C11orf65: variants seen among roughly 807,000 people sequenced by gnomAD.
C11orf65 encodes the protein protein MFI.
In C11orf65, 38 loss-of-function variants were observed where a neutral mutation model predicts 35.3. The ratio of observed to expected loss-of-function variants is 1.08; its 90% CI spans 0.83 to 1.41. C11orf65 has a LOEUF of 1.41. Among genes scored for constraint, C11orf65 ranks in the 40% most tolerant of loss-of-function variants. The pLI, the probability that C11orf65 is intolerant of heterozygous loss-of-function variation, is 0.00. For missense variants in C11orf65, 370 were observed against 367.1 expected, an observed-to-expected ratio of 1.01 and a Z score of -0.06; for synonymous variants, 105 against 114.4, an observed-to-expected ratio of 0.92 and a Z score of 0.53.
intron 7 of C11orf65, 40 bp from the exon 8 acceptor site, chr11:108,386,015 T>A (rs1442275674): frequency 6.6e-7 from 1 of 1,516,594 alleles, no homozygotes; most frequent in Non-Finnish European, 9.1e-7. Flanking sequence ...TTTAATCGAT[T>A]CATTAGTACA....
intron 2 of C11orf65, chr11:108,354,788 AT>A: frequency 6.2e-7 from 1 of 1,604,638 alleles, no homozygotes; most frequent in Non-Finnish European, 8.5e-7. Context: ...CAAAATCCGT[AT>A]TTATAATGTG....
intron 2 of C11orf65, among the ~76,000 whole-genome samples, chr11:108,359,414 A>C (rs2090435534): frequency 6.6e-6 from 1 of 152,174 alleles, no homozygotes; most frequent in Admixed American, 6.5e-5. Context: ...AAGGATACCC[A>C]GGAATTGAAC....
At chr11:108,331,349 T>C, downstream of C11orf65, 4 of 1,507,534 alleles carry the variant, frequency 2.7e-6, no homozygotes, top group East Asian at 5.1e-5. Flanking sequence ...CTTGTGCTAA[T>C]AGAGGAGCAC....
At chr11:108,444,411 C>T (rs1295551313) in intron 2 of C11orf65, among the ~76,000 whole-genome samples, 1 of 152,136 alleles carries the variant, frequency 6.6e-6, no homozygotes, top group Non-Finnish European at 1.5e-5. Context: ...TGCTACCATT[C>T]CTTCTGAAAC....
downstream of C11orf65, among the ~76,000 whole-genome samples, chr11:108,330,853 A>G (rs1641705380): frequency 6.6e-6 from 1 of 152,196 alleles, no homozygotes; most frequent in Admixed American, 6.5e-5. Flanking sequence ...AGTAGAGAAA[A>G]TATATTTTTC....
chr11:108,343,682 T>C, intron 2 of C11orf65, among the ~76,000 whole-genome samples: 1 of 152,134 alleles, frequency 6.6e-6, no homozygotes. Context: ...CACGATGGCA[T>C]GCACCTGTAA....
At chr11:108,404,126 T>C (rs1454715237) in intron 6 of C11orf65, among the ~76,000 whole-genome samples, 2 of 152,112 alleles carry the variant, frequency 1.3e-5, no homozygotes, top group Non-Finnish European at 2.9e-5. Context: ...TCAATCACCA[T>C]CCATCTATAG....
intron 2 of C11orf65, among the ~76,000 whole-genome samples, chr11:108,452,791 A>T (rs2135672125): frequency 6.6e-6 from 1 of 152,284 alleles, no homozygotes. Flanking sequence ...AAAATGTGGC[A>T]CATACACACC....
chr11:108,469,604 A>C (rs1435937977), upstream of C11orf65, among the ~76,000 whole-genome samples: 3 of 152,078 alleles, frequency 2.0e-5, no homozygotes, highest in African/African-American at 7.2e-5. Context: ...AAAAGTATTT[A>C]CAATAGTTAC....
At position 108,315,763 on chromosome 11, in the gene C11orf65, G is replaced by A. The variant is rs1361776749; in HGVS notation, c.641-6692C>T. The A allele has an allele frequency of 3.7e-6, 5 of 1,343,452 alleles. No homozygotes were observed. In the South Asian group the frequency reaches 4.8e-5, roughly 13 times the overall value. The allele number at this position is 1,343,452 out of a possible 1,614,324, so 83.2% of individuals were successfully genotyped here. ...TTGGTAATGATACAATTTAAAATTT[G>A]CTAAATTTATAGACCGATTTTTTTT... On this transcript the variant is annotated intron_variant, in intron 6 of 6. Transcript: ENST00000525729.
intron 6 of C11orf65, among the ~76,000 whole-genome samples, chr11:108,401,307 A>T (rs535460152): frequency 6.6e-6 from 1 of 152,208 alleles, no homozygotes; most frequent in African/African-American, 2.4e-5. Flanking sequence ...ATGGAACAGA[A>T]ATTAAAAAAA....
chr11:108,381,039 G>T (rs189332352), downstream of C11orf65, among the ~76,000 whole-genome samples: 34 of 152,280 alleles, frequency 2.2e-4, 1 homozygote, highest in African/African-American at 6.3e-4. Flanking sequence ...ATGTTAAATT[G>T]GCCTGTTAAG....
intron 3 of C11orf65, among the ~76,000 whole-genome samples, chr11:108,422,044 G>A (rs2092825491): frequency 6.6e-6 from 1 of 152,046 alleles, no homozygotes; most frequent in Non-Finnish European, 1.5e-5. Context: ...CGATTCTCCT[G>A]TCAACCTCCC....
intron 6 of C11orf65, among the ~76,000 whole-genome samples, chr11:108,311,555 G>A (rs2084162092): frequency 6.6e-6 from 1 of 152,036 alleles, no homozygotes; most frequent in Non-Finnish European, 1.5e-5. Flanking sequence ...TAAATCAGCT[G>A]GGCATAGTGG....
At chr11:108,419,024 A>C (rs895373235) in intron 3 of C11orf65, among the ~76,000 whole-genome samples, 1 of 152,218 alleles carries the variant, frequency 6.6e-6, no homozygotes, top group African/African-American at 2.4e-5. Context: ...TCTGGCACAG[A>C]TGGTTTCATT....
chr11:108,447,228 A>G (rs1398300902), intron 2 of C11orf65, among the ~76,000 whole-genome samples: 2 of 152,126 alleles, frequency 1.3e-5, no homozygotes, highest in Non-Finnish European at 2.9e-5. Flanking sequence ...GATCAACGAG[A>G]CAGAAAGTTA....
intron 2 of C11orf65, chr11:108,354,835 G>C (rs1591314147): frequency 6.2e-7 from 1 of 1,613,918 alleles, no homozygotes; most frequent in Non-Finnish European, 8.5e-7. Flanking sequence ...CCATGGAAGT[G>C]ATGAGAAACT....
In C11orf65 at chr11:108,396,870, T is replaced by TAAATAAATAAATA. The variant is rs71942809; in HGVS notation, c.561-3493_561-3492insTATTTATTTATTT. Reference sequence around the variant, plus strand: ...ATAAATAAATAAATAAATAAATAAATAAATAAAATAAAATAGTTACTATTA... The same window carrying TAAATAAATAAATA: ...ATAAATAAATAAATAAATAAATAAATAAATAAATAAATAAAATAAAATAAAATAGTTACTATTA... On this transcript the variant is annotated intron_variant, in intron 6 of 8. Coordinates refer to ENST00000393084, the MANE Select transcript of C11orf65 (RefSeq NM_152587.5). Among the ~76,000 whole-genome samples the TAAATAAATAAATA allele has an allele frequency of 3.7e-3, 538 of 144,926 alleles. 3 individuals carry two copies. The highest frequency in any genetic ancestry group is 0.011 in the African/African-American group (443 of 39,322).
rs193260286 is a variant in C11orf65 at position 108,430,874 on chromosome 11, A to C, written c.174+872T>G. Among the ~76,000 whole-genome samples, 719 of 147,700 alleles carry C rather than the reference A, an allele frequency of 4.9e-3. 8 individuals are homozygous for C. The highest frequency in any genetic ancestry group is 0.015 in the African/African-American group (607 of 40,428). ...AAATAAATAAATAAAACAAAAAAAAACCCAAAACCCATAAGGATAGGGAAC... is the reference window on the plus strand; with the variant it reads ...AAATAAATAAATAAAACAAAAAAAACCCCAAAACCCATAAGGATAGGGAAC... On this transcript the variant is annotated intron_variant, in intron 3 of 8. Coordinates refer to ENST00000393084, the MANE Select transcript of C11orf65 (RefSeq NM_152587.5).
Sources: allele counts gnomAD v4.1 joint callset (sites outside exome capture counted in the v4.1 genomes callset), GRCh38; gene constraint gnomAD v4.1.1; transcripts MANE v1.5; gene names NCBI Gene and HGNC (gene_info 2026-07-23, HGNC 2026-07-21).